Variants in TMEM114 observed in about 807,000 individuals in gnomAD.
The protein encoded by TMEM114 is claudin-26.
TMEM114 carries 6 observed loss-of-function variants against 6.2 expected under a neutral mutation model. The observed-to-expected ratio is 0.97, with a 90% CI of 0.53 to 1.91. The LOEUF is 1.91. Among genes scored for constraint, TMEM114 ranks in the 40% most tolerant of loss-of-function variants. TMEM114 has a pLI of 0.01. For synonymous variants in TMEM114, 104 were observed against 73.0 expected, an observed-to-expected ratio of 1.42 and a Z score of -2.16; for missense variants, 218 against 158.3, an observed-to-expected ratio of 1.38 and a Z score of -2.02.
intron 2 of TMEM114, 83 bp from the exon 3 acceptor site, chr16:8,572,307 A>G: frequency 2.7e-6 from 4 of 1,483,570 alleles, no homozygotes; most frequent in Admixed American, 2.0e-5. Flanking sequence ...CCGAGCACCT[A>G]CTAGAGCTGG....
chr16:8,563,358 T>TGAGG (rs1268897203), intron 2 of TMEM114, among the ~76,000 whole-genome samples: 3 of 147,218 alleles, frequency 2.0e-5, no homozygotes, highest in Admixed American at 2.0e-4. Context: ...AATGAGTGAG[T>TGAGG]GAGGGAGGGA....
chr16:8,535,294 C>A (rs548195793), downstream of TMEM114, among the ~76,000 whole-genome samples: 1 of 152,112 alleles, frequency 6.6e-6, no homozygotes, highest in Admixed American at 6.6e-5. Context: ...GTAGCAAGGA[C>A]TTTTTTATTA....
chr16:8,555,898 G>A (rs886081928), intron 2 of TMEM114, among the ~76,000 whole-genome samples: 1 of 152,144 alleles, frequency 6.6e-6, no homozygotes, highest in Admixed American at 6.5e-5. Flanking sequence ...GGAAAGCCTG[G>A]TTGGCCTCAC....
In TMEM114 at chr16:8,572,079, G is replaced by T. The variant is rs142515595; in HGVS notation, c.439+8C>A. On this transcript the variant is annotated splice_region_variant and intron_variant, in intron 3 of 3. Coordinates refer to ENST00000620492, the MANE Select transcript of TMEM114 (RefSeq NM_001146336.2). ...CAAGCCAGAGCCCTAGGCAGGGTGG[G>T]CACCTACCTCCAAAGAGGAAGAGAA... 1 of 1,537,404 alleles carries T rather than the reference G, an allele frequency of 6.5e-7. No homozygotes were observed. The highest frequency in any genetic ancestry group is 8.8e-7 in the Non-Finnish European group (1 of 1,139,952).
At position 8,569,958 on chromosome 16, in the gene TMEM114, C is replaced by G. The variant is rs1567206326; in HGVS notation, c.487G>C (p.Ala163Pro). Residue 163 changes from alanine to proline, a missense_variant, in exon 4 of 4, where the codon GCC becomes CCC. Physicochemically the swap from Ala to Pro is conservative, Grantham distance 27. Transcript: ENST00000620492. Reference sequence around the variant, plus strand: ...AGACACAGCGCCTCCCGGAAGGCGGCGGCTGAATACGCTATGTAGACGCTG... The same window carrying G: ...AGACACAGCGCCTCCCGGAAGGCGGGGGCTGAATACGCTATGTAGACGCTG... Reference protein sequence around the residue: ...GISVYIAYSAAAFREALCLLE... With the variant: ...GISVYIAYSAPAFREALCLLE... 2 of 1,550,978 alleles carry G rather than the reference C, an allele frequency of 1.3e-6. No individual in the cohort carries two copies. The highest frequency in any genetic ancestry group is 2.4e-5 in the East Asian group (1 of 40,904).
chr16:8,568,564 C>T (rs962791855), downstream of TMEM114, among the ~76,000 whole-genome samples: 3 of 152,104 alleles, frequency 2.0e-5, no homozygotes, highest in Non-Finnish European at 2.9e-5. Context: ...ACAGTGTTGA[C>T]GTCATGGTGA....
At chr16:8,561,848 A>ATGAATGAGTGAGGGAATGAGTGAG (rs1901218577) in intron 2 of TMEM114, among the ~76,000 whole-genome samples, 8 of 138,808 alleles carry the variant, frequency 5.8e-5, no homozygotes, top group African/African-American at 2.2e-4. Context: ...GAGTGAGTGA[A>ATGAATGAGTGAGGGAATGAGTGAG]TGAATGAGTG....
At chr16:8,562,661 T>A (rs56651716) in intron 2 of TMEM114, among the ~76,000 whole-genome samples, 5,671 of 150,712 alleles carry the variant, frequency 0.038, 187 homozygotes, top group South Asian at 0.1. Context: ...AATGAGTCAA[T>A]GAATTAGTGA....
intron 2 of TMEM114, among the ~76,000 whole-genome samples, chr16:8,564,155 T>G (rs148961225): frequency 0.024 from 2,597 of 107,146 alleles, 207 homozygotes; most frequent in African/African-American, 0.085. Context: ...GTGAATGAGT[T>G]AGTGAATGAG....
downstream of TMEM114, among the ~76,000 whole-genome samples, chr16:8,536,054 C>T (rs142477869): frequency 0.014 from 2,173 of 152,054 alleles, 22 homozygotes; most frequent in Non-Finnish European, 0.021. Flanking sequence ...TGTGAAACCC[C>T]GTCTCTACTA....
intron 2 of TMEM114, among the ~76,000 whole-genome samples, chr16:8,539,782 C>T (rs1465310589): frequency 6.6e-6 from 1 of 152,024 alleles, no homozygotes; most frequent in Non-Finnish European, 1.5e-5. Context: ...ATGGAAGTAA[C>T]TTTAAAAAAT....
In TMEM114 at chr16:8,569,680, C is replaced by T; in HGVS notation, c.*93G>A. ...GGGGTGCCTGGCCTCCCCGAGTGGC[C>T]TTTGAGGAAGAAGAGGCCGCAGCCG... On this transcript the variant is annotated 3_prime_UTR_variant, in exon 4 of 4. Transcript: ENST00000620492. 2 of 1,453,728 alleles carry T rather than the reference C, an allele frequency of 1.4e-6. No individual in the cohort carries two copies. 90.1% of individuals were successfully genotyped at this position (1,453,728 alleles called of 1,614,324 possible).
chr16:8,581,387 G>A (rs1389648653), intron 2 of TMEM114, among the ~76,000 whole-genome samples: 6 of 152,174 alleles, frequency 3.9e-5, no homozygotes, highest in Admixed American at 3.9e-4. Flanking sequence ...TACAGACCTT[G>A]TTTTTCACTG....
chr16:8,560,357 G>A (rs1386806871), intron 2 of TMEM114, among the ~76,000 whole-genome samples: 3 of 152,076 alleles, frequency 2.0e-5, no homozygotes, highest in Admixed American at 6.6e-5. Context: ...TTGTCCATCA[G>A]TGGGAGCGAG....
chr16:8,543,482 C>T (rs112845543), intron 2 of TMEM114, among the ~76,000 whole-genome samples: 172 of 152,102 alleles, frequency 1.1e-3, no homozygotes, highest in African/African-American at 3.7e-3. Context: ...TGCAATGGTG[C>T]ACCTTGCACC....
chr16:8,574,203 G>A (rs1178122398), intron 2 of TMEM114, among the ~76,000 whole-genome samples: 2 of 152,094 alleles, frequency 1.3e-5, no homozygotes, highest in Non-Finnish European at 2.9e-5. Context: ...TAATTACTCA[G>A]AACCTCCATT....
Position 8,569,599 on chromosome 16 carries a change from C to T in TMEM114, c.*174G>A, listed in dbSNP as rs1901655387. 1 of 1,432,040 alleles carries T rather than the reference C, an allele frequency of 7.0e-7. No homozygotes were observed. Among genetic ancestry groups the T allele is most frequent in the Admixed American group, 2.9e-5 (1 of 35,048 alleles). 88.7% of individuals were successfully genotyped at this position (1,432,040 alleles called of 1,614,324 possible). Reference sequence around the variant, plus strand: ...ACACACGGACATAAGCACACAGGTACTAGGATAACAGCCAGGCCCCAAGCT... The same window carrying T: ...ACACACGGACATAAGCACACAGGTATTAGGATAACAGCCAGGCCCCAAGCT... On this transcript the variant is annotated 3_prime_UTR_variant, in exon 4 of 4. Coordinates refer to ENST00000620492, the MANE Select transcript of TMEM114 (RefSeq NM_001146336.2).
chr16:8,589,645 T>A lies in TMEM114; in HGVS notation c.194A>T (p.His65Leu). 1 of 398,150 alleles carries A rather than the reference T, an allele frequency of 2.5e-6. No homozygotes were observed. The highest frequency in any genetic ancestry group is 4.4e-6 in the Non-Finnish European group (1 of 225,930). The allele number at this position is 398,150 out of a possible 1,614,324, so 24.7% of individuals were successfully genotyped here. The change falls in exon 1 of 4, where the codon CAC becomes CTC. Residue 65 changes from histidine to leucine, a missense_variant. Physicochemically the swap from His to Leu is moderately conservative, Grantham distance 99 (BLOSUM62 -3). Coordinates refer to ENST00000620492, the MANE Select transcript of TMEM114 (RefSeq NM_001146336.2). ...CCGGCAGGTCCGCCAGAGGCCGGAG[T>A]GGGAGCTCAGAGGCTCGGGCTGGCT... ...NRSQPEPLSS[H>L]SGLWRTCRVQ...
chr16:8,554,453 A>G (rs1406276539), intron 2 of TMEM114, among the ~76,000 whole-genome samples: 2 of 152,106 alleles, frequency 1.3e-5, no homozygotes, highest in African/African-American at 2.4e-5. Flanking sequence ...CCAGAGAGAG[A>G]GAATCTCCTT....
Sources: allele counts gnomAD v4.1 joint callset (sites outside exome capture counted in the v4.1 genomes callset), GRCh38; gene constraint gnomAD v4.1.1; transcripts MANE v1.5; gene names NCBI Gene and HGNC (gene_info 2026-07-23, HGNC 2026-07-21).